DOCK6: variants seen among roughly 807,000 people sequenced by gnomAD.
DOCK6 encodes dedicator of cytokinesis protein 6.
Under a neutral mutation model 230.3 loss-of-function variants are expected in DOCK6, and 167 were observed. That is an observed-to-expected ratio of 0.73 (90% confidence interval 0.64 to 0.82). DOCK6 has a LOEUF of 0.82. DOCK6 is among the 40% of genes least tolerant of loss of function. The pLI is 0.00. For missense variants in DOCK6, 2,598 were observed against 2,825.8 expected, an observed-to-expected ratio of 0.92 and a Z score of 1.83; for synonymous variants, 1,148 against 1,185.0, an observed-to-expected ratio of 0.97 and a Z score of 0.64.
chr19:11,230,116 G>A (rs912572437), intron 22 of DOCK6, among the ~76,000 whole-genome samples: 3 of 150,956 alleles, frequency 2.0e-5, no homozygotes, highest in Non-Finnish European at 2.9e-5. Flanking sequence ...GGTAGATCAC[G>A]AGGTCAGGAG....
In DOCK6 at chr19:11,238,096, C is replaced by G. The variant is rs2079880214; in HGVS notation, c.1781G>C (p.Ser594Thr). Reference protein sequence around the residue: ...QALPVIFGKSSCSEFTREAFT... With the variant: ...QALPVIFGKSTCSEFTREAFT... ...GGCCTCGCGGGTAAATTCACTGCAG[C>G]TGGACTTGCCAAAGATGACCTGGGA... The change falls in exon 16 of 48, where the codon AGC becomes ACC. Residue 594 changes from serine to threonine, a missense_variant. Coordinates refer to ENST00000294618, the MANE Select transcript of DOCK6 (RefSeq NM_020812.4). 1 of 1,613,958 alleles carries G rather than the reference C, an allele frequency of 6.2e-7. No homozygotes were observed. The highest frequency in any genetic ancestry group is 8.5e-7 in the Non-Finnish European group (1 of 1,179,884).
chr19:11,223,503 C>T (rs4804154), intron 24 of DOCK6, among the ~76,000 whole-genome samples: 22,483 of 152,026 alleles, frequency 0.15, 1,839 homozygotes, highest in East Asian at 0.25. Context: ...CAGGGCCAGG[C>T]CCACACAGTG....
Position 11,243,109 on chromosome 19 carries a change from G to T in DOCK6, c.1430C>A (p.Ala477Asp). The T allele has an allele frequency of 6.2e-7, 1 of 1,614,008 alleles. No homozygotes were observed. The highest frequency in any genetic ancestry group is 8.5e-7 in the Non-Finnish European group (1 of 1,179,904). Residue 477 changes from alanine (A) to aspartate (D), a missense_variant, in exon 13 of 48, where the codon GCT (alanine) becomes GAT (aspartate). Transcript: ENST00000294618. The surrounding 1 kb of genome is among the most constrained non-coding windows in gnomAD (Gnocchi z 6.3). ...CAGGGACGACGGGCGCCTCATGTCA[G>T]CCAGGAACTTGAAGAGGTCCTCGTC... ...LSDEDLFKFLADMRRPSSLLR... is the reference protein window; with the variant it reads ...LSDEDLFKFLDDMRRPSSLLR...
At chr19:11,219,343 CTG>C (rs2079545418) in intron 28 of DOCK6, among the ~76,000 whole-genome samples, 1 of 150,262 alleles carries the variant, frequency 6.7e-6, no homozygotes. Flanking sequence ...AGCATCATGC[CTG>C]CCTAATTTTT....
Position 11,238,251 on chromosome 19 carries a change from G to C in DOCK6, c.1697C>G (p.Ser566Cys). 1 of 1,613,296 alleles carries C rather than the reference G, an allele frequency of 6.2e-7. No homozygotes were observed. The highest frequency in any genetic ancestry group is 8.5e-7 in the Non-Finnish European group (1 of 1,179,500). Reference protein sequence around the residue: ...HSLNFSSRQGSVRNLAVRVQY... With the variant: ...HSLNFSSRQGCVRNLAVRVQY... ...CACTCGCACAGCAAGGTTGCGCACG[G>C]AGCCCTGGCGGCTGCTGAAGTTGAG... Residue 566 changes from serine to cysteine, a missense_variant, in exon 15 of 48, where the codon TCC (serine) becomes TGC (cysteine). Physicochemically the swap from Ser to Cys is moderately radical, Grantham distance 112. Transcript: ENST00000294618.
chr19:11,250,891 A>G lies in DOCK6; in HGVS notation c.703T>C (p.Tyr235His), dbSNP rs780876490. The G allele has an allele frequency of 6.2e-7, 1 of 1,600,824 alleles. No homozygotes were observed. Among genetic ancestry groups the G allele is most frequent in the East Asian group, 2.2e-5 (1 of 44,508 alleles). The change falls in exon 6 of 48, where the codon TAC (tyrosine) becomes CAC (histidine). Residue 235 changes from tyrosine (Y) to histidine (H), a missense_variant. Coordinates refer to ENST00000294618, the MANE Select transcript of DOCK6 (RefSeq NM_020812.4). ...QHRPPALLTL[Y>H]PAPDEDEAVE... ...GCACCCACCTCGTCAGGTGCCGGGT[A>G]GAGGGTGAGCAGGGCCGGGGGCCGG...
At chr19:11,242,948 A>C in intron 13 of DOCK6, 111 bp downstream of exon 13, 1 of 1,237,752 alleles carries the variant, frequency 8.1e-7, no homozygotes, top group Non-Finnish European at 1.2e-6. Flanking sequence ...TTTGTCCATC[A>C]TGGTCATCGT....
At chr19:11,214,818 A>T (rs1483663315) in intron 32 of DOCK6, among the ~76,000 whole-genome samples, 169 bp from the exon 33 acceptor site, 1 of 152,032 alleles carries the variant, frequency 6.6e-6, no homozygotes, top group Non-Finnish European at 1.5e-5. Flanking sequence ...TCTGTTGCCC[A>T]GGCTGGAGTG....
At position 11,214,189 on chromosome 19, in the gene DOCK6, T is replaced by C. The variant is rs145144225; in HGVS notation, c.4338+86A>G. ...ATCCTCCCACCTCAGCCTCCCAAAG[T>C]GCTGGGATTAGAGGCATGAGCCACT... On this transcript the variant is annotated intron_variant, in intron 34 of 47. Transcript: ENST00000294618. 1.1e-3 allele frequency: 1,654 copies of C among 1,474,078 alleles called. 15 individuals carry two copies. In the African/African-American group the frequency reaches 0.021, roughly 19 times the overall value. 91.3% of individuals were successfully genotyped at this position (1,474,078 alleles called of 1,614,324 possible). A position where few individuals can be genotyped will look rare whatever the true frequency, so the allele number is the denominator to read the frequency against.
chr19:11,237,377 T>C, intron 18 of DOCK6, 79 bp downstream of exon 18: 1 of 1,532,084 alleles, frequency 6.5e-7, no homozygotes, highest in Non-Finnish European at 9.0e-7. Flanking sequence ...CCTCCCAGGA[T>C]TGACAGGAAG....
chr19:11,216,044 C>T (rs2079481284), intron 30 of DOCK6, 117 bp from the exon 31 acceptor site: 2 of 1,350,036 alleles, frequency 1.5e-6, no homozygotes, highest in African/African-American at 2.9e-5. Context: ...TGCTTAAAGA[C>T]AGATTGCCTT....
At chr19:11,229,221 T>A in intron 22 of DOCK6, 186 bp from the exon 23 acceptor site, 1 of 1,305,080 alleles carries the variant, frequency 7.7e-7, no homozygotes, top group South Asian at 1.7e-5. Context: ...CCCTGGACTC[T>A]GGATGGGGGA....
At chr19:11,223,241 C>T (rs927933417) in intron 24 of DOCK6, 135 bp from the exon 25 acceptor site, 3 of 776,482 alleles carry the variant, frequency 3.9e-6, no homozygotes, top group African/African-American at 3.5e-5. Context: ...GCTGTGGTGA[C>T]TCTGGGACTT....
Position 11,208,260 on chromosome 19 carries a change from G to A in DOCK6, c.5088+426C>T, listed in dbSNP as rs1197565940. 3.9e-5 allele frequency: 6 copies of A among 155,368 alleles called. No individual in the cohort carries two copies. The East Asian group carries it at 1.1e-3, about 29-fold the overall frequency. The allele number at this position is 155,368 out of a possible 1,614,324, so 9.6% of individuals were successfully genotyped here. A position where few individuals can be genotyped will look rare whatever the true frequency, so the allele number is the denominator to read the frequency against. On this transcript the variant is annotated intron_variant, in intron 39 of 47. Coordinates refer to ENST00000294618, the MANE Select transcript of DOCK6 (RefSeq NM_020812.4). ...CATAGGCAAATAACAGGGCCTCTGA[G>A]AAACCCAATTCTCCTTCCTTTTTTT... is the stretch of plus-strand genomic sequence containing the variant.
At position 11,202,621 on chromosome 19, in the gene DOCK6, G is replaced by A. The variant is rs771559139; in HGVS notation, c.5324C>T (p.Ser1775Leu). Residue 1775 changes from serine (S) to leucine (L), a missense_variant, in exon 42 of 48, where the codon TCG (serine) becomes TTG (leucine). Coordinates refer to ENST00000294618, the MANE Select transcript of DOCK6 (RefSeq NM_020812.4). The surrounding 1 kb of genome is among the most constrained non-coding windows in gnomAD (Gnocchi z 5.3). ...DEQEFVYKEPSITKLAEISHR... is the reference protein window; with the variant it reads ...DEQEFVYKEPLITKLAEISHR... ...TGAGATCTCTGCCAGCTTCGTGATC[G>A]ATGGCTCCTTGTACACAAACTCCTG... is the stretch of plus-strand genomic sequence containing the variant. The A allele has an allele frequency of 3.7e-6, 6 of 1,613,986 alleles. No homozygotes were observed. Among genetic ancestry groups the A allele is most frequent in the East Asian group, 2.2e-5 (1 of 44,878 alleles).
intron 1 of DOCK6, among the ~76,000 whole-genome samples, chr19:11,255,087 C>T (rs1482539943): frequency 1.3e-5 from 2 of 151,002 alleles, no homozygotes; most frequent in Non-Finnish European, 3.0e-5. Flanking sequence ...CACTGCAACA[C>T]CTGCTTCCCG....
At chr19:11,219,175 T>G (rs1456026880) in intron 28 of DOCK6, among the ~76,000 whole-genome samples, 2 of 42,628 alleles carry the variant, frequency 4.7e-5, no homozygotes, top group Admixed American at 4.4e-4. Context: ...CTGCGCCCGG[T>G]TTTTTTTTTT....
intron 39 of DOCK6, 84 bp downstream of exon 39, chr19:11,208,602 C>G: frequency 6.6e-7 from 1 of 1,521,194 alleles, no homozygotes; most frequent in Non-Finnish European, 8.8e-7. Context: ...TCTAAATCCC[C>G]TGCTGGAAGG....
intron 39 of DOCK6, among the ~76,000 whole-genome samples, chr19:11,206,703 G>C (rs2079267141): frequency 6.6e-6 from 1 of 152,126 alleles, no homozygotes. Flanking sequence ...TAAATATAGA[G>C]TGCAATGAAA....
Sources: allele counts gnomAD v4.1 joint callset (sites outside exome capture counted in the v4.1 genomes callset), GRCh38; gene constraint gnomAD v4.1.1; non-coding constraint Gnocchi (gnomAD v3.1); transcripts MANE v1.5; gene names NCBI Gene and HGNC (gene_info 2026-07-23, HGNC 2026-07-21).